The following FRAS1 variants were observed in gnomAD, a reference collection of about 807,000 sequenced individuals.
FRAS1 encodes the protein extracellular matrix organizing protein FRAS1.
FRAS1 carries 290 observed loss-of-function variants against 435.2 expected under a neutral mutation model. That is an observed-to-expected ratio of 0.67 (90% CI 0.61 to 0.73). The LOEUF (loss-of-function observed/expected upper bound fraction) is 0.73, where lower values mean the gene tolerates loss of function less well. Among genes scored for constraint, FRAS1 ranks in the 30% least tolerant of loss-of-function variants. FRAS1 has a pLI of 0.00. For missense variants in FRAS1, 4,860 were observed against 5,001.5 expected, an observed-to-expected ratio of 0.97 and a Z score of 0.85; for synonymous variants, 1,800 against 1,851.0, an observed-to-expected ratio of 0.97 and a Z score of 0.71.
intron 64 of FRAS1, among the ~76,000 whole-genome samples, chr4:78,511,861 C>A (rs1465454340): frequency 5.9e-5 from 9 of 152,194 alleles, no homozygotes; most frequent in Non-Finnish European, 1.3e-4. Context: ...ATACCTACTG[C>A]ATGGCATCTC....
chr4:78,265,091 G>A lies in FRAS1; in HGVS notation c.670G>A (p.Ala224Thr). The change falls in exon 7 of 74, where the codon GCT becomes ACT. Residue 224 changes from alanine to threonine, a missense_variant. Coordinates refer to ENST00000512123, the MANE Select transcript of FRAS1 (RefSeq NM_025074.7). ...GTGCTCTGCAAGATCCTGCTCTGCA[G>A]CTGGCCAAGTATACGAGGTAAGCTT... ...PQCSARSCSA[A>T]GQVYEHGEQW... 2 of 1,612,958 alleles carry A rather than the reference G, an allele frequency of 1.2e-6. No individual in the cohort carries two copies. Among genetic ancestry groups the A allele is most frequent in the Non-Finnish European group, 1.7e-6 (2 of 1,179,344 alleles).
intron 23 of FRAS1, among the ~76,000 whole-genome samples, chr4:78,371,188 G>A (rs1326847644): frequency 1.4e-5 from 2 of 147,446 alleles, no homozygotes; most frequent in Admixed American, 6.9e-5. Flanking sequence ...TTTCATAACT[G>A]TGCTGGCAGT....
intron 2 of FRAS1, among the ~76,000 whole-genome samples, chr4:78,081,175 A>C (rs866557705): frequency 6.6e-6 from 1 of 152,228 alleles, no homozygotes. Flanking sequence ...GGGCAACAAC[A>C]GGTTCCCTGA....
chr4:78,376,279 T>C (rs1221317671), intron 26 of FRAS1, among the ~76,000 whole-genome samples: 1 of 152,194 alleles, frequency 6.6e-6, no homozygotes, highest in Non-Finnish European at 1.5e-5. Context: ...TGGAGTGTAC[T>C]TACACAAACC....
chr4:78,533,116 C>A (rs1021186976), intron 70 of FRAS1, among the ~76,000 whole-genome samples: 1 of 152,166 alleles, frequency 6.6e-6, no homozygotes, highest in African/African-American at 2.4e-5. Flanking sequence ...TTTAGAATTT[C>A]CAGTTGAACC....
intron 20 of FRAS1, among the ~76,000 whole-genome samples, chr4:78,362,704 G>T (rs895025995): frequency 6.6e-6 from 1 of 152,172 alleles, no homozygotes; most frequent in African/African-American, 2.4e-5. Flanking sequence ...ACAGAAAATT[G>T]AATGATGGTG....
At chr4:78,433,348 C>T (rs115020415) in intron 38 of FRAS1, among the ~76,000 whole-genome samples, 164 of 152,302 alleles carry the variant, frequency 1.1e-3, no homozygotes, top group Non-Finnish European at 2.1e-3. Flanking sequence ...ATAATAATGA[C>T]TAGTTTTTAC....
At chr4:78,490,680 A>G (rs1720322077) in intron 59 of FRAS1, among the ~76,000 whole-genome samples, 1 of 152,240 alleles carries the variant, frequency 6.6e-6, no homozygotes, top group Non-Finnish European at 1.5e-5. Context: ...TTATAGCACT[A>G]AATGCCCACA....
chr4:78,101,281 C>T (rs1185272032), intron 2 of FRAS1, among the ~76,000 whole-genome samples: 2 of 152,086 alleles, frequency 1.3e-5, no homozygotes, highest in Non-Finnish European at 2.9e-5. Context: ...TGGTGGCAGT[C>T]TTCGGATTAG....
intron 2 of FRAS1, among the ~76,000 whole-genome samples, chr4:78,169,023 C>T (rs1231681143): frequency 6.6e-6 from 1 of 152,038 alleles, no homozygotes. Context: ...GATTGTGATC[C>T]GGGCTGGGAT....
intron 72 of FRAS1, among the ~76,000 whole-genome samples, chr4:78,538,648 A>G (rs1459432475): frequency 6.6e-6 from 1 of 152,184 alleles, no homozygotes; most frequent in Non-Finnish European, 1.5e-5. Context: ...CAGAGGGGAA[A>G]AAGCCTCTTA....
intron 2 of FRAS1, among the ~76,000 whole-genome samples, chr4:78,237,109 C>T (rs944269808): frequency 1.3e-5 from 2 of 152,006 alleles, no homozygotes; most frequent in Admixed American, 1.3e-4. Flanking sequence ...GTGGCGAATA[C>T]TGCTTTTAGG....
At chr4:78,175,079 C>A (rs1029701851) in intron 2 of FRAS1, among the ~76,000 whole-genome samples, 1 of 152,196 alleles carries the variant, frequency 6.6e-6, no homozygotes, top group African/African-American at 2.4e-5. Flanking sequence ...TTTGCTACTT[C>A]CTGCAAATGC....
At chr4:78,178,054 C>T (rs987449070) in intron 2 of FRAS1, among the ~76,000 whole-genome samples, 2 of 152,202 alleles carry the variant, frequency 1.3e-5, no homozygotes, top group African/African-American at 4.8e-5. Flanking sequence ...CCTCCCAAAG[C>T]TCTAAGGGAG....
intron 2 of FRAS1, among the ~76,000 whole-genome samples, chr4:78,094,102 A>C: frequency 7.0e-6 from 1 of 141,972 alleles, no homozygotes; most frequent in South Asian, 2.2e-4. Context: ...TTGAATAACC[A>C]AGTTTTTTTT....
chr4:78,304,842 T>C (rs1317540925), intron 14 of FRAS1, among the ~76,000 whole-genome samples: 1 of 151,972 alleles, frequency 6.6e-6, no homozygotes, highest in African/African-American at 2.4e-5. Context: ...TTTGAAGGGT[T>C]TTTTGTGTCT....
At chr4:78,224,601 T>G (rs942792097) in intron 2 of FRAS1, among the ~76,000 whole-genome samples, 1 of 152,142 alleles carries the variant, frequency 6.6e-6, no homozygotes, top group African/African-American at 2.4e-5. Flanking sequence ...ACTGTGATCA[T>G]GGCTCACTGC....
intron 2 of FRAS1, among the ~76,000 whole-genome samples, chr4:78,225,232 T>TAA (rs1290522685): frequency 6.6e-6 from 1 of 152,208 alleles, no homozygotes; most frequent in Non-Finnish European, 1.5e-5. Flanking sequence ...TTTTTGTTCT[T>TAA]TTTAAGAAAA....
At chr4:78,155,203 G>A (rs1245694224) in intron 2 of FRAS1, among the ~76,000 whole-genome samples, 2 of 152,134 alleles carry the variant, frequency 1.3e-5, no homozygotes, top group Non-Finnish European at 2.9e-5. Context: ...GGTCATGTTT[G>A]TTGGCTGGAA....
Sources: allele counts gnomAD v4.1 joint callset (sites outside exome capture counted in the v4.1 genomes callset), GRCh38; gene constraint gnomAD v4.1.1; transcripts MANE v1.5; gene names NCBI Gene and HGNC (gene_info 2026-07-23, HGNC 2026-07-21).